CPED1: variants seen among roughly 807,000 people sequenced by gnomAD.
The protein encoded by CPED1 is cadherin like and PC-esterase domain containing 1.
A neutral mutation model predicts 128.2 loss-of-function variants in CPED1; 114 were observed. The ratio of observed to expected loss-of-function variants is 0.89; its 90% confidence interval spans 0.76 to 1.04. The LOEUF is 1.04. CPED1 is among the 50% of genes least tolerant of loss of function. The probability of loss-of-function intolerance (pLI) is 0.00; values close to 1 mark genes in which losing one functional copy is unlikely to be tolerated. For missense variants in CPED1, 1,211 were observed against 1,207.1 expected (o/e 1.00, Z -0.05); for synonymous variants, 462 against 426.7 (o/e 1.08, Z -1.02).
At chr7:121,119,813 A>G (rs1240622832) in intron 7 of CPED1, among the ~76,000 whole-genome samples, 1 of 152,038 alleles carries the variant, frequency 6.6e-6, no homozygotes, top group Non-Finnish European at 1.5e-5. Flanking sequence ...CCCAGTAAAC[A>G]TGTCCCCATT....
At chr7:121,154,473 A>G (rs944692833) in intron 16 of CPED1, among the ~76,000 whole-genome samples, 5 of 151,936 alleles carry the variant, frequency 3.3e-5, no homozygotes, top group Admixed American at 3.3e-4. Context: ...TTCATTCTAT[A>G]TACATTTTGA....
intron 16 of CPED1, among the ~76,000 whole-genome samples, chr7:121,225,891 A>G (rs1214616998): frequency 6.6e-6 from 1 of 151,854 alleles, no homozygotes; most frequent in Non-Finnish European, 1.5e-5. Flanking sequence ...ACCTTTTTTC[A>G]AGGTTTTTAG....
intron 16 of CPED1, among the ~76,000 whole-genome samples, chr7:121,224,337 T>C (rs1797952554): frequency 6.6e-6 from 1 of 152,194 alleles, no homozygotes; most frequent in Admixed American, 6.6e-5. Context: ...TTTGTTGTGA[T>C]TTCTGATCTT....
chr7:121,032,735 A>C (rs749781067), intron 3 of CPED1, among the ~76,000 whole-genome samples: 3 of 152,138 alleles, frequency 2.0e-5, no homozygotes, highest in South Asian at 2.1e-4. Context: ...AGGAAAAAAA[A>C]AACAACACTT....
At chr7:121,274,338 A>C (rs1271502073) in intron 22 of CPED1, among the ~76,000 whole-genome samples, 1 of 152,186 alleles carries the variant, frequency 6.6e-6, no homozygotes, top group African/African-American at 2.4e-5. Context: ...CTTGCATAGT[A>C]ACAATGCTTC....
intron 16 of CPED1, among the ~76,000 whole-genome samples, chr7:121,208,495 A>G (rs1329738784): frequency 5.9e-5 from 9 of 152,040 alleles, no homozygotes; most frequent in Admixed American, 5.9e-4. Flanking sequence ...CCCTTCATTT[A>G]ATCCTCTGAA....
intron 16 of CPED1, among the ~76,000 whole-genome samples, chr7:121,174,235 A>G (rs776664798): frequency 2.0e-5 from 3 of 152,100 alleles, no homozygotes; most frequent in Non-Finnish European, 4.4e-5. Flanking sequence ...ATTAGATCCC[A>G]TTTGTCAATT....
intron 16 of CPED1, among the ~76,000 whole-genome samples, chr7:121,184,527 T>C (rs375821840): frequency 2.0e-5 from 3 of 152,300 alleles, no homozygotes; most frequent in East Asian, 3.9e-4. Context: ...TTTTTCCTCT[T>C]AAGAAATTTT....
At chr7:121,189,501 C>G (rs753870910) in intron 16 of CPED1, among the ~76,000 whole-genome samples, 1 of 151,712 alleles carries the variant, frequency 6.6e-6, no homozygotes, top group Non-Finnish European at 1.5e-5. Context: ...AAATCCACCC[C>G]CATGATACAC....
intron 5 of CPED1, among the ~76,000 whole-genome samples, chr7:121,074,506 T>G (rs1271736843): frequency 1.9e-5 from 2 of 105,748 alleles, no homozygotes; most frequent in Non-Finnish European, 3.8e-5. Context: ...AAATTTCCTT[T>G]GTGTTTTTTT....
chr7:121,084,012 C>T lies in CPED1; in HGVS notation c.617-13687C>T, dbSNP rs543244276. ...ACTGTTAGTTTATAATTAGTAGCTA[C>T]GACTTTAATCTAGTTTGGTGAGACT... On this transcript the variant is annotated intron_variant, in intron 5 of 22. Transcript: ENST00000310396. 3.5e-4 allele frequency among the ~76,000 whole-genome samples: 53 copies of T among 152,288 alleles called. No homozygotes were observed. In the South Asian group the frequency reaches 9.5e-3, roughly 27 times the overall value.
rs537004015 is a variant in CPED1, at chr7:121,270,803, TA to T, written c.2722-479del. 2.7e-3 allele frequency among the ~76,000 whole-genome samples: 404 copies of T among 152,210 alleles called. 4 individuals are homozygous for T. The highest frequency in any genetic ancestry group is 9.4e-3 in the African/African-American group (391 of 41,556). ...CCTTATAGTATAGCCTGAAGTCACA[TA>T]ATGTGATGTGTTGGCTTTATTCTTT... On this transcript the variant is annotated intron_variant, in intron 21 of 22. Coordinates refer to ENST00000310396, the MANE Select transcript of CPED1 (RefSeq NM_024913.5).
chr7:121,075,463 A>G (rs916738456), intron 5 of CPED1, among the ~76,000 whole-genome samples: 4 of 151,962 alleles, frequency 2.6e-5, no homozygotes, highest in African/African-American at 7.3e-5. Context: ...GTTCATGTGT[A>G]TAAGTTTTTA....
rs1796334235 is a variant in CPED1, at chr7:120,993,035, A to G, written c.249+3165A>G. ...TTCATTTTTCCATTTGAATAATGCA[A>G]AGGGCTTGGCTAAGCAGATGTATTT... is the stretch of plus-strand genomic sequence containing the variant. On this transcript the variant is annotated intron_variant, in intron 2 of 22. Transcript: ENST00000310396. Among the ~76,000 whole-genome samples the G allele has an allele frequency of 2.6e-5, 4 of 152,196 alleles. No homozygotes were observed. In the South Asian group the frequency reaches 8.3e-4, roughly 31 times the overall value.
In CPED1 at chr7:121,063,381, G is replaced by GAAAAAAAAAAAAA. The variant is rs368502123; in HGVS notation, c.541-848_541-836dup. ...GCTTTATTTTGCAAATGAAGAAACT[G>GAAAAAAAAAAAAA]AAAAAAAAAAAAAAAAAAAAAGCAA... is the stretch of plus-strand genomic sequence containing the variant. On this transcript the variant is annotated intron_variant, in intron 4 of 22. Coordinates refer to ENST00000310396, the MANE Select transcript of CPED1 (RefSeq NM_024913.5). Among the ~76,000 whole-genome samples the GAAAAAAAAAAAAA allele has an allele frequency of 5.9e-3, 396 of 66,850 alleles. 1 individual carries two copies. The highest frequency in any genetic ancestry group is 0.014 in the Middle Eastern group (1 of 72). 43.9% of individuals were successfully genotyped at this position (66,850 alleles called of 152,430 possible).
chr7:121,191,494 TACA>T (rs1797140350), intron 16 of CPED1, among the ~76,000 whole-genome samples: 2 of 152,152 alleles, frequency 1.3e-5, no homozygotes, highest in Non-Finnish European at 1.5e-5. Flanking sequence ...GAAATAAGAA[TACA>T]ACAACACAAT....
At chr7:121,087,772 G>C (rs1357152321) in intron 5 of CPED1, among the ~76,000 whole-genome samples, 2 of 148,756 alleles carry the variant, frequency 1.3e-5, no homozygotes, top group East Asian at 4.0e-4. Flanking sequence ...GCAATTCTCT[G>C]CCTCAGCCTC....
intron 16 of CPED1, among the ~76,000 whole-genome samples, chr7:121,158,829 C>G (rs530379421): frequency 6.6e-6 from 1 of 152,108 alleles, no homozygotes; most frequent in Non-Finnish European, 1.5e-5. Flanking sequence ...TTTCTTTAGA[C>G]ACTTCCATGT....
At chr7:121,126,644 T>C (rs181782081) in intron 9 of CPED1, among the ~76,000 whole-genome samples, 76 of 152,258 alleles carry the variant, frequency 5.0e-4, no homozygotes, top group African/African-American at 1.5e-3. Flanking sequence ...TATAGATGGC[T>C]CATACATTTG....
Sources: allele counts gnomAD v4.1 joint callset (sites outside exome capture counted in the v4.1 genomes callset), GRCh38; gene constraint gnomAD v4.1.1; transcripts MANE v1.5; gene names NCBI Gene and HGNC (gene_info 2026-07-23, HGNC 2026-07-21).